Variants in SH3RF3 observed in about 807,000 individuals in gnomAD.
The protein encoded by SH3RF3 is SH3 domain containing ring finger 3.
Under a neutral mutation model 66.3 loss-of-function variants are expected in SH3RF3, and 29 were observed. The observed-to-expected ratio is 0.44, with a 90% CI of 0.33 to 0.60. SH3RF3 has a LOEUF of 0.60. Ranked by LOEUF, SH3RF3 falls within the 20% of genes least tolerant of loss-of-function variation. The pLI, the probability that SH3RF3 is intolerant of heterozygous loss-of-function variation, is 0.04. For synonymous variants in SH3RF3, 583 were observed against 532.0 expected (o/e 1.10, Z -1.32); for missense variants, 1,194 against 1,190.9 (o/e 1.00, Z -0.04).
At chr2:109,219,357 T>C (rs1048335502) in intron 1 of SH3RF3, among the ~76,000 whole-genome samples, 1 of 152,114 alleles carries the variant, frequency 6.6e-6, no homozygotes, top group African/African-American at 2.4e-5. Flanking sequence ...GTTAAAAAAT[T>C]TTCACCATCA....
intron 1 of SH3RF3, among the ~76,000 whole-genome samples, chr2:109,196,525 G>T (rs140413584): frequency 6.6e-6 from 1 of 152,350 alleles, no homozygotes; most frequent in African/African-American, 2.4e-5. Context: ...CAGCTACTTA[G>T]CACCTGTGCT....
chr2:109,133,400 A>G (rs1676741367), intron 1 of SH3RF3, among the ~76,000 whole-genome samples: 1 of 152,266 alleles, frequency 6.6e-6, no homozygotes, highest in African/African-American at 2.4e-5. Flanking sequence ...GGAGAATCAT[A>G]AAATTATATT....
intron 3 of SH3RF3, among the ~76,000 whole-genome samples, chr2:109,382,667 G>A (rs1010759536): frequency 2.0e-5 from 3 of 152,140 alleles, no homozygotes; most frequent in African/African-American, 4.8e-5. Context: ...TCTAACATCC[G>A]TCTGCCACTG....
chr2:109,333,559 T>G (rs1378195731), intron 1 of SH3RF3, among the ~76,000 whole-genome samples: 1 of 152,210 alleles, frequency 6.6e-6, no homozygotes, highest in African/African-American at 2.4e-5. Flanking sequence ...CACCCACTAA[T>G]TTACATGGAA....
rs562160723 is a variant in SH3RF3, at chr2:109,192,185, G to A, written c.573+62072G>A. On this transcript the variant is annotated intron_variant, in intron 1 of 9. Transcript: ENST00000309415. ...TCGGTTCTACATATGGCACTAACTC[G>A]TCCACTCCACAGGCTACTGAACCTC... 2.6e-5 allele frequency among the ~76,000 whole-genome samples: 4 copies of A among 152,204 alleles called. No homozygotes were observed. The South Asian group carries it at 8.3e-4, about 32-fold the overall frequency.
chr2:109,497,567 G>A (rs1458516929), intron 9 of SH3RF3, among the ~76,000 whole-genome samples: 1 of 152,216 alleles, frequency 6.6e-6, no homozygotes, highest in Non-Finnish European at 1.5e-5. Flanking sequence ...ATGACGCACA[G>A]TTGTGACCTG....
At chr2:109,190,757 C>T (rs146350398) in intron 1 of SH3RF3, among the ~76,000 whole-genome samples, 48 of 152,234 alleles carry the variant, frequency 3.2e-4, no homozygotes, top group Admixed American at 8.5e-4. Flanking sequence ...ACATGACTCA[C>T]ACCCATAGAA....
At chr2:109,485,376 T>C (rs895338408) in intron 8 of SH3RF3, among the ~76,000 whole-genome samples, 1 of 152,244 alleles carries the variant, frequency 6.6e-6, no homozygotes, top group Admixed American at 6.5e-5. Flanking sequence ...TTTTTGCAAA[T>C]CAAATTGTAT....
At chr2:109,491,075 G>A (rs1387526296) in intron 9 of SH3RF3, 139 bp downstream of exon 9, 3 of 775,154 alleles carry the variant, frequency 3.9e-6, no homozygotes, top group Middle Eastern at 4.0e-4. Context: ...AGATCCACAT[G>A]GTCCCGAGCT....
chr2:109,243,741 A>G (rs1427965654), intron 1 of SH3RF3, among the ~76,000 whole-genome samples: 1 of 152,212 alleles, frequency 6.6e-6, no homozygotes, highest in Non-Finnish European at 1.5e-5. Context: ...GTTTTCAGAG[A>G]ACCTCGGGGT....
At chr2:109,469,012 C>G (rs1398568371) in intron 8 of SH3RF3, among the ~76,000 whole-genome samples, 2 of 151,182 alleles carry the variant, frequency 1.3e-5, no homozygotes, top group Non-Finnish European at 2.9e-5. Context: ...CTAAAGGGCT[C>G]CAGCCACCAG....
chr2:109,429,658 G>A (rs1238692825), intron 5 of SH3RF3, among the ~76,000 whole-genome samples: 2 of 152,026 alleles, frequency 1.3e-5, no homozygotes, highest in South Asian at 2.1e-4. Context: ...GCCCCAGGCC[G>A]CGCTGACAGC....
intron 4 of SH3RF3, among the ~76,000 whole-genome samples, chr2:109,402,982 A>G (rs1370509430): frequency 6.6e-6 from 1 of 152,136 alleles, no homozygotes; most frequent in African/African-American, 2.4e-5. Context: ...CATCGACTGC[A>G]GTTGATACAC....
chr2:109,259,462 G>A (rs367964904), intron 1 of SH3RF3, among the ~76,000 whole-genome samples: 13 of 152,340 alleles, frequency 8.5e-5, no homozygotes, highest in African/African-American at 3.1e-4. Flanking sequence ...ATTGGCTATT[G>A]TGGGCCTGTT....
At chr2:109,451,828 A>T (rs186276785) in intron 8 of SH3RF3, among the ~76,000 whole-genome samples, 5 of 152,356 alleles carry the variant, frequency 3.3e-5, no homozygotes, top group Non-Finnish European at 7.3e-5. Context: ...ATAGCTCCCG[A>T]GCCTCTGTGG....
At chr2:109,339,811 T>C (rs1682516944) in intron 1 of SH3RF3, among the ~76,000 whole-genome samples, 2 of 152,164 alleles carry the variant, frequency 1.3e-5, no homozygotes, top group African/African-American at 4.8e-5. Flanking sequence ...ATTGGATAAA[T>C]GTAAACAGAT....
intron 2 of SH3RF3, among the ~76,000 whole-genome samples, chr2:109,362,688 G>A (rs866814196): frequency 1.3e-5 from 2 of 152,298 alleles, no homozygotes; most frequent in Middle Eastern, 3.4e-3. Flanking sequence ...GTCTCCAGCT[G>A]TAATACTGGA....
intron 5 of SH3RF3, among the ~76,000 whole-genome samples, chr2:109,427,891 G>C (rs1039029993): frequency 6.6e-6 from 1 of 152,262 alleles, no homozygotes; most frequent in African/African-American, 2.4e-5. Flanking sequence ...GCCATCCTGA[G>C]GCCATACCTG....
chr2:109,389,772 T>C (rs1184734952), intron 3 of SH3RF3, among the ~76,000 whole-genome samples: 1 of 152,196 alleles, frequency 6.6e-6, no homozygotes, highest in Non-Finnish European at 1.5e-5. Context: ...ATATGTATAA[T>C]GCGAGTGATC....
Sources: allele counts gnomAD v4.1 joint callset (sites outside exome capture counted in the v4.1 genomes callset), GRCh38; gene constraint gnomAD v4.1.1; transcripts MANE v1.5; gene names NCBI Gene and HGNC (gene_info 2026-07-23, HGNC 2026-07-21).